The following NLGN1 variants were observed in gnomAD, a reference collection of about 807,000 sequenced individuals.
NLGN1 encodes the protein neuroligin 1.
In NLGN1, 12 loss-of-function variants were observed where a neutral mutation model predicts 65.5. The ratio of observed to expected loss-of-function variants is 0.18; its 90% CI spans 0.12 to 0.30. NLGN1 has a LOEUF of 0.30. NLGN1 is among the 10% of genes least tolerant of loss of function. The pLI is 1.00. For synonymous variants in NLGN1, 350 were observed against 359.5 expected (o/e 0.97, Z 0.30); for missense variants, 750 against 1,007.1 (o/e 0.74, Z 3.46).
chr3:173,900,243 T>G (rs1157683828), intron 4 of NLGN1, among the ~76,000 whole-genome samples: 1 of 152,126 alleles, frequency 6.6e-6, no homozygotes, highest in African/African-American at 2.4e-5. Flanking sequence ...TTTTATAAAC[T>G]CTGTTTTGTT....
chr3:173,754,836 C>G (rs1163930140), intron 3 of NLGN1, among the ~76,000 whole-genome samples: 1 of 143,752 alleles, frequency 7.0e-6, no homozygotes, highest in Admixed American at 6.9e-5. Context: ...TCCAGAAAGT[C>G]ACTATTTTTT....
chr3:173,876,865 G>A (rs1415849406), intron 4 of NLGN1, among the ~76,000 whole-genome samples: 1 of 152,074 alleles, frequency 6.6e-6, no homozygotes. Context: ...ATGCATAAAT[G>A]TCATGGAAGT....
intron 4 of NLGN1, among the ~76,000 whole-genome samples, chr3:174,025,949 A>T (rs1289103786): frequency 6.6e-6 from 1 of 152,114 alleles, no homozygotes; most frequent in Non-Finnish European, 1.5e-5. Flanking sequence ...GTAGTTTCAA[A>T]CTCTTAACTA....
chr3:173,428,340 T>G (rs1716532189), intron 1 of NLGN1, among the ~76,000 whole-genome samples: 1 of 151,966 alleles, frequency 6.6e-6, no homozygotes, highest in East Asian at 1.9e-4. Context: ...CTGGTTGTAT[T>G]GTAAGTTCTC....
At chr3:174,021,885 C>A (rs1347966463) in intron 4 of NLGN1, among the ~76,000 whole-genome samples, 1 of 152,160 alleles carries the variant, frequency 6.6e-6, no homozygotes, top group African/African-American at 2.4e-5. Context: ...AAAGGGCAAT[C>A]TCCAGCTCTC....
At chr3:173,936,487 A>T (rs1173318187) in intron 4 of NLGN1, among the ~76,000 whole-genome samples, 1 of 152,040 alleles carries the variant, frequency 6.6e-6, no homozygotes, top group Non-Finnish European at 1.5e-5. Context: ...ACCATTGTGA[A>T]TTTGCTTGGA....
At chr3:173,804,305 G>C (rs1254964374) in intron 3 of NLGN1, among the ~76,000 whole-genome samples, 1 of 152,076 alleles carries the variant, frequency 6.6e-6, no homozygotes, top group Non-Finnish European at 1.5e-5. Flanking sequence ...AAATTTCTGA[G>C]TGTGTTCTTG....
intron 3 of NLGN1, among the ~76,000 whole-genome samples, chr3:173,608,719 CTT>C (rs750625135): frequency 1.3e-5 from 2 of 151,874 alleles, no homozygotes; most frequent in Non-Finnish European, 2.9e-5. Flanking sequence ...ATAGCAGAGA[CTT>C]ATATCTATCC....
intron 4 of NLGN1, among the ~76,000 whole-genome samples, chr3:173,930,195 T>C (rs979754673): frequency 6.6e-6 from 1 of 152,212 alleles, no homozygotes; most frequent in Non-Finnish European, 1.5e-5. Context: ...ACTGGGAGAT[T>C]TATACTTTAA....
chr3:174,244,233 AT>A (rs1743387231), intron 4 of NLGN1, among the ~76,000 whole-genome samples: 1 of 152,198 alleles, frequency 6.6e-6, no homozygotes, highest in Admixed American at 6.5e-5. Context: ...TATGTTCTAG[AT>A]TCTGAAAGAA....
chr3:173,607,038 G>T (rs1197818546), intron 3 of NLGN1, among the ~76,000 whole-genome samples: 2 of 151,848 alleles, frequency 1.3e-5, no homozygotes, highest in Admixed American at 6.6e-5. Flanking sequence ...TGCTATTGAA[G>T]AATGCATAGA....
At chr3:173,711,362 A>G (rs1457062350) in intron 3 of NLGN1, among the ~76,000 whole-genome samples, 2 of 152,232 alleles carry the variant, frequency 1.3e-5, no homozygotes, top group African/African-American at 2.4e-5. Flanking sequence ...AAGTAGGACA[A>G]TAAACCAAGT....
intron 3 of NLGN1, among the ~76,000 whole-genome samples, chr3:173,648,306 G>T (rs758083335): frequency 9.9e-5 from 15 of 152,056 alleles, no homozygotes; most frequent in Admixed American, 5.9e-4. Context: ...ACAATAATAA[G>T]AAACCAAAAT....
chr3:174,235,058 T>A (rs1396013395), intron 4 of NLGN1, among the ~76,000 whole-genome samples: 1 of 134,704 alleles, frequency 7.4e-6, no homozygotes, highest in Non-Finnish European at 1.6e-5. Flanking sequence ...CAGTTTTTTT[T>A]AGTATTACCA....
intron 3 of NLGN1, among the ~76,000 whole-genome samples, chr3:173,607,014 G>C (rs935019493): frequency 6.6e-6 from 1 of 151,756 alleles, no homozygotes; most frequent in Middle Eastern, 3.2e-3. Flanking sequence ...GATTCACAAA[G>C]TCATAAATAA....
At chr3:174,217,482 G>A (rs1185055881) in intron 4 of NLGN1, among the ~76,000 whole-genome samples, 1 of 152,084 alleles carries the variant, frequency 6.6e-6, no homozygotes, top group Non-Finnish European at 1.5e-5. Flanking sequence ...ACATGATTGG[G>A]TTCTGGTGAG....
intron 1 of NLGN1, among the ~76,000 whole-genome samples, chr3:173,423,269 GA>G (rs1156659790): frequency 1.3e-5 from 2 of 152,152 alleles, no homozygotes; most frequent in Admixed American, 6.5e-5. Flanking sequence ...TGGAGACACA[GA>G]GCCAAACCAT....
intron 3 of NLGN1, among the ~76,000 whole-genome samples, chr3:173,651,703 G>T (rs1484867932): frequency 6.6e-6 from 1 of 152,092 alleles, no homozygotes; most frequent in Non-Finnish European, 1.5e-5. Flanking sequence ...GCATATCTCT[G>T]ATGGTTAGTG....
intron 4 of NLGN1, among the ~76,000 whole-genome samples, chr3:173,869,967 A>G (rs570629115): frequency 6.6e-6 from 1 of 152,300 alleles, no homozygotes; most frequent in South Asian, 2.1e-4. Context: ...TATTCTAGAC[A>G]CGGCTGACTT....
Sources: allele counts gnomAD v4.1 joint callset (sites outside exome capture counted in the v4.1 genomes callset), GRCh38; gene constraint gnomAD v4.1.1; transcripts MANE v1.5; gene names NCBI Gene and HGNC (gene_info 2026-07-23, HGNC 2026-07-21).